SCN3A: variants seen among roughly 807,000 people sequenced by gnomAD.
The protein encoded by SCN3A is sodium voltage-gated channel alpha subunit 3, also known as sodium channel protein type 3 subunit alpha.
A neutral mutation model predicts 187.6 loss-of-function variants in SCN3A; 60 were observed. The ratio of observed to expected loss-of-function variants is 0.32; its 90% confidence interval spans 0.26 to 0.40. SCN3A has a LOEUF of 0.40. Ranked by LOEUF, SCN3A falls within the 10% of genes least tolerant of loss-of-function variation. The probability of loss-of-function intolerance (pLI) is 1.00; values close to 1 mark genes in which losing one functional copy is unlikely to be tolerated. For synonymous variants in SCN3A, 788 were observed against 829.2 expected (o/e 0.95, Z 0.85); for missense variants, 1,601 against 2,428.2 (o/e 0.66, Z 7.16).
At chr2:165,203,361 T>C (rs1164253135) in intron 1 of SCN3A, among the ~76,000 whole-genome samples, 1 of 151,972 alleles carries the variant, frequency 6.6e-6, no homozygotes, top group African/African-American at 2.4e-5. Context: ...ACCTCTATAT[T>C]GTTATCACTC....
chr2:165,186,309 A>C (rs553600097), intron 2 of SCN3A, among the ~76,000 whole-genome samples: 83 of 152,098 alleles, frequency 5.5e-4, no homozygotes, highest in South Asian at 3.5e-3. Flanking sequence ...AAAACAAAAA[A>C]AAAACTGAGT....
At position 165,192,527 on chromosome 2, in the gene SCN3A, A is replaced by T. The variant is rs182338514; in HGVS notation, c.-247-5780T>A. On this transcript the variant is annotated intron_variant, in intron 1 of 27. Transcript: ENST00000283254. The stretch of plus-strand genomic sequence containing the variant: ...GGTCACATGACTAGTAAATGTTGCC[A>T]TCAAATTCTATAATTTTTTCTTTGG... 1.1e-4 allele frequency among the ~76,000 whole-genome samples: 16 copies of T among 152,254 alleles called. No individual in the cohort carries two copies. In the East Asian group the frequency reaches 2.9e-3, roughly 28 times the overall value.
intron 10 of SCN3A, 135 bp downstream of exon 10, chr2:165,155,627 G>T: frequency 1.1e-6 from 1 of 914,720 alleles, no homozygotes. Context: ...TCGAATTCCT[G>T]GACTCAAGTG....
At chr2:165,138,169 T>C (rs2105802016) in intron 14 of SCN3A, 52 bp from the exon 15 acceptor site, 1 of 1,274,074 alleles carries the variant, frequency 7.8e-7, no homozygotes, top group Non-Finnish European at 1.1e-6. Context: ...AAATGAGTTA[T>C]TATTGCTAGT....
In SCN3A at chr2:165,088,918, G is replaced by A. The variant is rs1684954597; in HGVS notation, c.*1232C>T. ...TTGAATTAAAAGTGCAAAAGTAAAG[G>A]TGTTTGTAAATAGCTTCAAATTATT... On this transcript the variant is annotated 3_prime_UTR_variant, in exon 28 of 28. Transcript: ENST00000283254. The A allele has an allele frequency of 6.6e-6, 1 of 152,488 alleles. No individual in the cohort carries two copies. Among genetic ancestry groups the A allele is most frequent in the African/African-American group, 2.4e-5 (1 of 41,438 alleles). 9.4% of individuals were successfully genotyped at this position (152,488 alleles called of 1,614,324 possible). A position where few individuals can be genotyped will look rare whatever the true frequency, so the allele number is the denominator to read the frequency against.
At chr2:165,122,107 A>C (rs868320461) in intron 18 of SCN3A, among the ~76,000 whole-genome samples, 23 of 152,140 alleles carry the variant, frequency 1.5e-4, no homozygotes, top group African/African-American at 4.3e-4. Flanking sequence ...TTTTGCAGAC[A>C]TAACTTTTCC....
In SCN3A at chr2:165,170,444, C is replaced by A; in HGVS notation, c.369G>T (p.Lys123Asn). 2 of 1,599,230 alleles carry A rather than the reference C, an allele frequency of 1.3e-6. No individual in the cohort carries two copies. Among genetic ancestry groups the A allele is most frequent in the Non-Finnish European group, 1.7e-6 (2 of 1,167,174 alleles). ...TAAAAGGATATGAATGTACCAAAAT[C>A]TTGATAGCAATTTTCCTAACAGGGT... The part of the protein sequence containing the change: ...PLNPVRKIAI[K>N]ILVHSLFSML... The change falls in exon 4 of 28, where the codon AAG (lysine) becomes AAT (asparagine). Residue 123 changes from lysine to asparagine, a missense_variant. Around this residue, in one of 11 missense-constraint regions of SCN3A, gnomAD observed 122 missense variants for 225.1 expected, o/e 0.54. Transcript: ENST00000283254.
intron 17 of SCN3A, among the ~76,000 whole-genome samples, chr2:165,128,304 G>A (rs1265255932): frequency 6.6e-6 from 1 of 152,008 alleles, no homozygotes; most frequent in African/African-American, 2.4e-5. Flanking sequence ...GATAAAACAA[G>A]CACCTCTTCT....
intron 12 of SCN3A, among the ~76,000 whole-genome samples, chr2:165,145,443 G>C (rs1171405220): frequency 1.3e-5 from 2 of 152,004 alleles, no homozygotes; most frequent in Non-Finnish European, 2.9e-5. Context: ...TGAATTTCTT[G>C]ATATTGATGT....
chr2:165,094,451 C>T lies in SCN3A; in HGVS notation c.4459G>A (p.Glu1487Lys), dbSNP rs1553517856. ...KFGGQDIFMT[E>K]EQKKYYNAMK... ...GCATTGTAATATTTTTTCTGTTCCTCTGTCATAAAGATGTCTTGACCTCCA... is the reference window on the plus strand; with the variant it reads ...GCATTGTAATATTTTTTCTGTTCCTTTGTCATAAAGATGTCTTGACCTCCA... The change falls in exon 26 of 28, where the codon GAG becomes AAG. Residue 1487 changes from glutamate to lysine, a missense_variant. Glu to Lys is a moderately conservative substitution (Grantham distance 56, BLOSUM62 1). Around this residue, in one of 11 missense-constraint regions of SCN3A, gnomAD observed 320 missense variants for 623.2 expected, o/e 0.51. Coordinates refer to ENST00000283254, the MANE Select transcript of SCN3A (RefSeq NM_006922.4). 2.5e-6 allele frequency: 4 copies of T among 1,613,600 alleles called. No homozygotes were observed. Among genetic ancestry groups the T allele is most frequent in the Non-Finnish European group, 3.4e-6 (4 of 1,179,628 alleles).
At chr2:165,111,484 TACACACAC>T (rs60417556) in intron 21 of SCN3A, among the ~76,000 whole-genome samples, 26,308 of 142,406 alleles carry the variant, frequency 0.18, 2,485 homozygotes, top group African/African-American at 0.22. Flanking sequence ...GCCAGTCTGA[TACACACAC>T]ACACACACAC....
In SCN3A at chr2:165,196,397, A is replaced by G. The variant is rs536605059; in HGVS notation, c.-248+7426T>C. ...TTTAACAGATATTTTCTGTTATGAT[A>G]ATCATTTTACTGACCACGTTGGCAG... On this transcript the variant is annotated intron_variant, in intron 1 of 27. Coordinates refer to ENST00000283254, the MANE Select transcript of SCN3A (RefSeq NM_006922.4). Among the ~76,000 whole-genome samples, 5 of 152,292 alleles carry G rather than the reference A, an allele frequency of 3.3e-5. No individual in the cohort carries two copies. The South Asian group carries it at 1.0e-3, about 32-fold the overall frequency.
chr2:165,154,320 CT>C lies in SCN3A; in HGVS notation c.1380+131del, dbSNP rs537675926. On this transcript the variant is annotated intron_variant, in intron 11 of 27. Coordinates refer to ENST00000283254, the MANE Select transcript of SCN3A (RefSeq NM_006922.4). ...TCAGAAACAAGTTCATATTTGAATA[CT>C]TTTTTTTCTAATGACAATGCCTATA... 4.8e-4 allele frequency: 479 copies of C among 1,008,352 alleles called. 1 individual carries two copies. The African/African-American group carries it at 6.5e-3, about 14-fold the overall frequency. The allele number at this position is 1,008,352 out of a possible 1,614,324, so 62.5% of individuals were successfully genotyped here.
intron 18 of SCN3A, among the ~76,000 whole-genome samples, chr2:165,122,633 T>C (rs983464749): frequency 1.3e-5 from 2 of 152,226 alleles, no homozygotes; most frequent in African/African-American, 4.8e-5. Flanking sequence ...GAATTAAATA[T>C]GATGTTGGGA....
intron 4 of SCN3A, among the ~76,000 whole-genome samples, chr2:165,169,246 C>A (rs964036932): frequency 1.7e-4 from 26 of 151,774 alleles, no homozygotes; most frequent in African/African-American, 5.8e-4. Flanking sequence ...GAATGTAGAG[C>A]CCAGTATAAT....
intron 18 of SCN3A, among the ~76,000 whole-genome samples, chr2:165,121,821 T>G (rs999390006): frequency 9.2e-5 from 14 of 152,196 alleles, no homozygotes; most frequent in Admixed American, 8.5e-4. Context: ...AAATAAAAGC[T>G]CATTACGCCA....
At chr2:165,182,288 G>T (rs1471413575) in intron 2 of SCN3A, among the ~76,000 whole-genome samples, 3 of 152,140 alleles carry the variant, frequency 2.0e-5, no homozygotes, top group Non-Finnish European at 2.9e-5. Flanking sequence ...CTATAGCTCT[G>T]GTACCAAAAG....
rs1687300820 is a variant in SCN3A, at chr2:165,131,281, T to C, written c.2528A>G (p.Asn843Ser). ...TCGCAGTACAGACAATCCCTCCACA[T>C]TTGACAGACCAAGCTCCATTAAACT... ...SLSLMELGLS[N>S]VEGLSVLRSF... Residue 843 changes from asparagine (N) to serine (S), a missense_variant, in exon 16 of 28, where the codon AAT becomes AGT. Around this residue, in one of 11 missense-constraint regions of SCN3A, gnomAD observed 91 missense variants for 207.0 expected, o/e 0.44. Transcript: ENST00000283254. 6.2e-7 allele frequency: 1 copy of C among 1,601,084 alleles called. No individual in the cohort carries two copies. Among genetic ancestry groups the C allele is most frequent in the Middle Eastern group, 1.7e-4 (1 of 6,016 alleles).
intron 22 of SCN3A, among the ~76,000 whole-genome samples, chr2:165,098,395 A>C (rs960115233): frequency 1.3e-5 from 2 of 152,230 alleles, no homozygotes; most frequent in Non-Finnish European, 2.9e-5. Context: ...TATTTTAGAA[A>C]TCAATACCAA....
Sources: gnomAD v4.1 joint callset for allele counts (sites outside exome capture counted in the v4.1 genomes callset) on GRCh38, gnomAD v4.1.1 for gene constraint, gnomAD v4.1.1 regional missense constraint, MANE v1.5 for transcripts, NCBI Gene and HGNC (gene_info 2026-07-23, HGNC 2026-07-21) for gene names.